The following IFT140 variants were observed in gnomAD, a reference collection of about 807,000 sequenced individuals.
IFT140 encodes intraflagellar transport 140, also known as intraflagellar transport protein 140 homolog.
In IFT140, 133 loss-of-function variants were observed where a neutral mutation model predicts 164.6. That is an observed-to-expected ratio of 0.81 (90% CI 0.70 to 0.93). The LOEUF (loss-of-function observed/expected upper bound fraction) is 0.93, where lower values mean the gene tolerates loss of function less well. IFT140 is among the 40% of genes least tolerant of loss of function. IFT140 has a pLI of 0.00. For missense variants in IFT140, 2,045 were observed against 1,972.3 expected, an observed-to-expected ratio of 1.04 and a Z score of -0.70; for synonymous variants, 860 against 817.3, an observed-to-expected ratio of 1.05 and a Z score of -0.89.
intron 19 of IFT140, chr16:1,541,421 G>A (rs2031622410): frequency 4.1e-6 from 4 of 985,414 alleles, no homozygotes; most frequent in South Asian, 9.4e-5. Context: ...ACCACCATGA[G>A]CCGCTTGGGG....
chr16:1,553,028 G>C lies in IFT140; in HGVS notation c.2399+4907C>G, dbSNP rs529229970. ...AAGAAGCTCCATGAAGTATTATAAA[G>C]AATGAACACAGAAACCAGTCACTGT... On this transcript the variant is annotated intron_variant, in intron 19 of 30. Transcript: ENST00000426508. This position sits in a 1 kb window ranked among gnomAD's most constrained non-coding sequence, Gnocchi z 4.4. 2 of 985,256 alleles carry C rather than the reference G, an allele frequency of 2.0e-6. No individual in the cohort carries two copies. Among genetic ancestry groups the C allele is most frequent in the East Asian group, 1.1e-4 (1 of 8,828 alleles). 61.0% of individuals were successfully genotyped at this position (985,256 alleles called of 1,614,324 possible).
chr16:1,607,044 A>T, intron 3 of IFT140, 76 bp downstream of exon 3: 1 of 1,460,688 alleles, frequency 6.8e-7, no homozygotes. Context: ...ATGTGCACAC[A>T]CACAAGGACA....
At position 1,553,519 on chromosome 16, in the gene IFT140, G is replaced by T. The variant is rs2032849010; in HGVS notation, c.2399+4416C>A. 1.5e-5 allele frequency: 15 copies of T among 994,208 alleles called. No homozygotes were observed. The South Asian group carries it at 5.8e-4, about 39-fold the overall frequency. The allele number at this position is 994,208 out of a possible 1,614,324, so 61.6% of individuals were successfully genotyped here. A position where few individuals can be genotyped will look rare whatever the true frequency, so the allele number is the denominator to read the frequency against. ...TCGGCGTGGCCGGAGCCTGGGGAGGGACATGGACAAGTCCTCTATGGACAA... is the reference window on the plus strand; with the variant it reads ...TCGGCGTGGCCGGAGCCTGGGGAGGTACATGGACAAGTCCTCTATGGACAA... On this transcript the variant is annotated intron_variant, in intron 19 of 30. Coordinates refer to ENST00000426508, the MANE Select transcript of IFT140 (RefSeq NM_014714.4). This position sits in a 1 kb window ranked among gnomAD's most constrained non-coding sequence, Gnocchi z 4.4.
At chr16:1,535,018 T>C (rs2030923968) in intron 19 of IFT140, among the ~76,000 whole-genome samples, 1 of 152,066 alleles carries the variant, frequency 6.6e-6, no homozygotes, top group Non-Finnish European at 1.5e-5. Flanking sequence ...GAACCTAGCC[T>C]ACATAGCGAG....
At chr16:1,521,748 T>C (rs1452297269) in intron 26 of IFT140, among the ~76,000 whole-genome samples, 2 of 151,336 alleles carry the variant, frequency 1.3e-5, no homozygotes, top group Admixed American at 1.3e-4. Flanking sequence ...AGGCCGGGCA[T>C]GTTGGCTCAT....
At chr16:1,591,250 A>G (rs2035165681) in intron 6 of IFT140, among the ~76,000 whole-genome samples, 2 of 151,456 alleles carry the variant, frequency 1.3e-5, no homozygotes, top group Non-Finnish European at 2.9e-5. Context: ...CCCCCTTCTC[A>G]TTAGCCTTCC....
chr16:1,527,042 A>C (rs1055588370), intron 19 of IFT140: 3 of 518,506 alleles, frequency 5.8e-6, no homozygotes, highest in Admixed American at 3.3e-5. Context: ...AGACAGAAGG[A>C]TCTCTTATGC....
intron 19 of IFT140, among the ~76,000 whole-genome samples, chr16:1,528,458 C>T (rs553013298): frequency 6.6e-6 from 1 of 152,068 alleles, no homozygotes; most frequent in East Asian, 1.9e-4. Flanking sequence ...CATGCATGCA[C>T]ACACACATGG....
At chr16:1,526,930 CG>C (rs1385597050) in intron 19 of IFT140, 134 bp from the exon 20 acceptor site, 20 of 977,948 alleles carry the variant, frequency 2.0e-5, no homozygotes, top group Non-Finnish European at 2.9e-5. Flanking sequence ...CTTCACCCAT[CG>C]GCTCCGCCCC....
At chr16:1,579,844 G>C (rs1398377261) in intron 13 of IFT140, among the ~76,000 whole-genome samples, 1 of 151,858 alleles carries the variant, frequency 6.6e-6, no homozygotes, top group Non-Finnish European at 1.5e-5. Flanking sequence ...CACACCTGTA[G>C]TCCTAGCTAC....
intron 10 of IFT140, among the ~76,000 whole-genome samples, chr16:1,585,322 C>T (rs2034810517): frequency 6.6e-6 from 1 of 152,156 alleles, no homozygotes; most frequent in African/African-American, 2.4e-5. Context: ...GCACAAAAGA[C>T]CAGGTGTTGT....
At chr16:1,579,935 G>C (rs985334747) in intron 13 of IFT140, among the ~76,000 whole-genome samples, 1 of 148,012 alleles carries the variant, frequency 6.8e-6, no homozygotes, top group Non-Finnish European at 1.5e-5. Flanking sequence ...CTGTACTCCA[G>C]CCTGGGCGAC....
chr16:1,598,255 A>G (rs558389836), intron 4 of IFT140, among the ~76,000 whole-genome samples: 105 of 152,268 alleles, frequency 6.9e-4, no homozygotes, highest in Non-Finnish European at 1.2e-3. Flanking sequence ...TCAGGAGATC[A>G]AGACCATCCT....
chr16:1,605,654 C>G (rs923887769), intron 3 of IFT140, among the ~76,000 whole-genome samples: 1 of 152,078 alleles, frequency 6.6e-6, no homozygotes, highest in Admixed American at 6.6e-5. Context: ...TCCACCCACC[C>G]CGGCCTCCCA....
At chr16:1,561,952 G>T (rs774481048) in intron 18 of IFT140, 33 bp downstream of exon 18, 1 of 1,545,628 alleles carries the variant, frequency 6.5e-7, no homozygotes, top group Admixed American at 2.0e-5. Context: ...GGAGAGATCA[G>T]AAGACACCTG....
At position 1,523,950 on chromosome 16, in the gene IFT140, C is replaced by T. The variant is rs763140298; in HGVS notation, c.3148G>A (p.Gly1050Ser). 29 of 1,611,736 alleles carry T rather than the reference C, an allele frequency of 1.8e-5. No homozygotes were observed. The highest frequency in any genetic ancestry group is 8.0e-5 in the African/African-American group (6 of 75,058). The stretch of plus-strand genomic sequence containing the variant: ...AAGTTCATGAGCTGGTCGTCCAGGC[C>T]GTTCTCCTGCAGGGAGGGAGGCAGG... The part of the protein sequence containing the change: ...KNAIRLCKEN[G>S]LDDQLMNLAL... Residue 1050 changes from glycine to serine, a missense_variant, in exon 25 of 31, where the codon GGC (glycine) becomes AGC (serine). Transcript: ENST00000426508.
intron 19 of IFT140, chr16:1,552,843 T>G (rs564309854): frequency 2.4e-4 from 85 of 355,632 alleles, no homozygotes; most frequent in African/African-American, 1.8e-3. Context: ...TTAGTAGAGA[T>G]AGGGTTTCAC....
At position 1,589,632 on chromosome 16, in the gene IFT140, A is replaced by G. The variant is rs2035069879; in HGVS notation, c.783T>C (p.Pro261=). Residue 261 remains proline, a synonymous_variant, in exon 7 of 31, where the codon CCT becomes CCC. Transcript: ENST00000426508. ...NLRLSLYTVP[P]EGKAEEVMKV... ...TCATCACTTCTTCTGCTTTGCCCTC[A>G]GGAGGCACCGTGTACAGGGACAGCC... 6.2e-7 allele frequency: 1 copy of G among 1,614,100 alleles called. No individual in the cohort carries two copies.
At chr16:1,580,644 C>G (rs907086592) in intron 13 of IFT140, 115 bp downstream of exon 13, 3 of 691,264 alleles carry the variant, frequency 4.3e-6, no homozygotes, top group Non-Finnish European at 7.7e-6. Flanking sequence ...GTTCTTTACA[C>G]AGTGTGAGAA....
Sources: gnomAD v4.1 joint callset for allele counts (sites outside exome capture counted in the v4.1 genomes callset) on GRCh38, gnomAD v4.1.1 for gene constraint, Gnocchi (gnomAD v3.1) non-coding constraint, MANE v1.5 for transcripts, NCBI Gene and HGNC (gene_info 2026-07-23, HGNC 2026-07-21) for gene names.